AASS: variants seen among roughly 807,000 people sequenced by gnomAD.
AASS encodes alpha-aminoadipic semialdehyde synthase, mitochondrial.
A neutral mutation model predicts 105.4 loss-of-function variants in AASS; 86 were observed. The ratio of observed to expected loss-of-function variants is 0.82; its 90% CI spans 0.69 to 0.98. The LOEUF (loss-of-function observed/expected upper bound fraction) is 0.98, where lower values mean the gene tolerates loss of function less well. AASS is among the 50% of genes least tolerant of loss of function. The pLI, the probability that AASS is intolerant of heterozygous loss-of-function variation, is 0.00. For missense variants in AASS, 1,048 were observed against 1,143.2 expected (o/e 0.92, Z 1.20); for synonymous variants, 381 against 394.8 (o/e 0.96, Z 0.41).
chr7:122,125,514 A>T (rs1303855284), intron 4 of AASS, among the ~76,000 whole-genome samples: 1 of 152,154 alleles, frequency 6.6e-6, no homozygotes, highest in Non-Finnish European at 1.5e-5. Flanking sequence ...TGACACGTCC[A>T]CCCTACTGCT....
chr7:122,123,204 G>T (rs1795513133), intron 4 of AASS, among the ~76,000 whole-genome samples: 2 of 152,110 alleles, frequency 1.3e-5, no homozygotes, highest in Admixed American at 1.3e-4. Context: ...TTTCTGCATA[G>T]CTCCTCACTG....
At chr7:122,077,763 T>A in intron 23 of AASS, 75 bp downstream of exon 23, 1 of 1,552,140 alleles carries the variant, frequency 6.4e-7, no homozygotes, top group Non-Finnish European at 8.9e-7. Flanking sequence ...TCAAGAGCAA[T>A]TACTTGATGT....
At chr7:122,087,431 G>A (rs936113667) in intron 18 of AASS, among the ~76,000 whole-genome samples, 1 of 152,156 alleles carries the variant, frequency 6.6e-6, no homozygotes, top group Admixed American at 6.5e-5. Flanking sequence ...AGGATGTGAG[G>A]AATGCCTTCC....
Position 122,116,973 on chromosome 7 carries a change from G to T in AASS, c.688-16C>A. ...CTTGGGCTCCCTACAAATAACACAT[G>T]AGTAAAAATCCAAAAATCAATAGAA... On this transcript the variant is annotated splice_polypyrimidine_tract_variant and intron_variant, in intron 6 of 23. Transcript: ENST00000417368. 9.3e-6 allele frequency: 15 copies of T among 1,608,550 alleles called. No homozygotes were observed. The highest frequency in any genetic ancestry group is 1.3e-5 in the Non-Finnish European group (15 of 1,175,676).
intron 1 of AASS, among the ~76,000 whole-genome samples, chr7:122,142,961 G>A (rs192721449): frequency 1.1e-4 from 16 of 152,274 alleles, no homozygotes; most frequent in Admixed American, 3.3e-4. Flanking sequence ...ATTATCTGAA[G>A]AGTGGGAAAA....
chr7:122,079,107 C>A, intron 21 of AASS, 157 bp from the exon 22 acceptor site: 1 of 1,530,050 alleles, frequency 6.5e-7, no homozygotes, highest in East Asian at 2.4e-5. Context: ...ATAACAATAA[C>A]AATAGCAATG....
At chr7:122,099,950 T>C (rs1269560278) in intron 13 of AASS, among the ~76,000 whole-genome samples, 1 of 151,856 alleles carries the variant, frequency 6.6e-6, no homozygotes, top group Non-Finnish European at 1.5e-5. Context: ...ATAGTTTGTA[T>C]AATTAAAACA....
rs1434374468 is a variant in AASS at position 122,125,861 on chromosome 7, A to C, written c.472+514T>G. On this transcript the variant is annotated intron_variant, in intron 4 of 23. Coordinates refer to ENST00000417368, the MANE Select transcript of AASS (RefSeq NM_005763.4). ...AACCTCTACTTTTATTTTTTACATA[A>C]GGAATCTTCTATTTTTATATAACAA... Among the ~76,000 whole-genome samples, 5 of 152,224 alleles carry C rather than the reference A, an allele frequency of 3.3e-5. No homozygotes were observed. In the South Asian group the frequency reaches 1.0e-3, roughly 32 times the overall value.
chr7:122,082,792 A>G (rs1230335324), intron 19 of AASS: 4 of 1,285,960 alleles, frequency 3.1e-6, no homozygotes, highest in Non-Finnish European at 4.1e-6. Context: ...ACTCACATAG[A>G]TGGGGCTGGG....
chr7:122,097,934 C>T (rs1304120183), intron 15 of AASS, among the ~76,000 whole-genome samples: 1 of 151,882 alleles, frequency 6.6e-6, no homozygotes, highest in Non-Finnish European at 1.5e-5. Flanking sequence ...AATCCAGAAA[C>T]AACCTAAATA....
intron 23 of AASS, 26 bp from the exon 24 acceptor site, chr7:122,076,633 C>A: frequency 6.7e-7 from 1 of 1,489,378 alleles, no homozygotes; most frequent in Middle Eastern, 1.7e-4. Flanking sequence ...TGTGTAATTA[C>A]CATTTCAAAG....
intron 15 of AASS, among the ~76,000 whole-genome samples, chr7:122,096,976 AG>A (rs1410905141): frequency 6.6e-6 from 1 of 152,124 alleles, no homozygotes; most frequent in Non-Finnish European, 1.5e-5. Context: ...ATTTTGAATC[AG>A]AATTTCTTTT....
intron 13 of AASS, 92 bp downstream of exon 13, chr7:122,101,279 T>C (rs1794418886): frequency 9.9e-7 from 1 of 1,014,208 alleles, no homozygotes; most frequent in South Asian, 1.3e-5. Context: ...ACAAACCTAA[T>C]ATTAAGAACT....
chr7:122,101,951 T>C (rs1794453197), intron 11 of AASS, among the ~76,000 whole-genome samples: 1 of 151,888 alleles, frequency 6.6e-6, no homozygotes, highest in African/African-American at 2.4e-5. Flanking sequence ...AAAAAGCTTA[T>C]CCTTTCCAAC....
chr7:122,085,058 G>A (rs1467593108), intron 19 of AASS, among the ~76,000 whole-genome samples: 3 of 152,162 alleles, frequency 2.0e-5, no homozygotes, highest in Non-Finnish European at 4.4e-5. Flanking sequence ...AATCAACCTG[G>A]ATTTAGGGTG....
At chr7:122,110,081 A>G (rs1794861513) in intron 11 of AASS, among the ~76,000 whole-genome samples, 1 of 152,220 alleles carries the variant, frequency 6.6e-6, no homozygotes, top group East Asian at 1.9e-4. Context: ...GCAAGAAGTT[A>G]TGAAAAGAAA....
chr7:122,082,081 C>A (rs1054167781), intron 19 of AASS, among the ~76,000 whole-genome samples: 4 of 151,932 alleles, frequency 2.6e-5, no homozygotes, highest in African/African-American at 7.3e-5. Flanking sequence ...AGCAGATAAT[C>A]CAATCTACTA....
intron 1 of AASS, among the ~76,000 whole-genome samples, chr7:122,139,177 G>A (rs1024823078): frequency 1.3e-5 from 2 of 152,098 alleles, no homozygotes; most frequent in Non-Finnish European, 2.9e-5. Context: ...AAAGTCTCTT[G>A]ATAGAGTTAT....
In AASS at chr7:122,076,189, C is replaced by CA. The variant is rs370786291; in HGVS notation, c.*299dup. 13,916 of 267,674 alleles carry CA rather than the reference C, an allele frequency of 0.052. 12 individuals are homozygous for CA. The highest frequency in any genetic ancestry group is 0.086 in the South Asian group (2,189 of 25,586). The allele number at this position is 267,674 out of a possible 1,614,324, so 16.6% of individuals were successfully genotyped here. ...ACTCCATCTCAAAAAACAACAACAA[C>CA]AAAAAAAAAACAAAAGAAAAAAAGT... On this transcript the variant is annotated 3_prime_UTR_variant, in exon 24 of 24. Coordinates refer to ENST00000417368, the MANE Select transcript of AASS (RefSeq NM_005763.4).
Sources: gnomAD v4.1 joint callset for allele counts (sites outside exome capture counted in the v4.1 genomes callset) on GRCh38, gnomAD v4.1.1 for gene constraint, MANE v1.5 for transcripts, NCBI Gene and HGNC (gene_info 2026-07-23, HGNC 2026-07-21) for gene names.